EFCAB13: variants seen among roughly 807,000 people sequenced by gnomAD.
The protein encoded by EFCAB13 is EF-hand calcium binding domain 13, also known as EF-hand calcium-binding domain-containing protein 13.
A neutral mutation model predicts 110.2 loss-of-function variants in EFCAB13; 91 were observed. The ratio of observed to expected loss-of-function variants is 0.83; its 90% confidence interval spans 0.70 to 0.98. The LOEUF (loss-of-function observed/expected upper bound fraction) is 0.98, where lower values mean the gene tolerates loss of function less well. Among genes scored for constraint, EFCAB13 ranks in the 50% least tolerant of loss-of-function variants. The pLI is 0.00. For synonymous variants in EFCAB13, 323 were observed against 369.9 expected, an observed-to-expected ratio of 0.87 and a Z score of 1.45; for missense variants, 968 against 1,119.4, an observed-to-expected ratio of 0.86 and a Z score of 1.93.
chr17:47,438,352 C>G (rs928646865), intron 24 of EFCAB13, among the ~76,000 whole-genome samples: 1 of 152,242 alleles, frequency 6.6e-6, no homozygotes, highest in African/African-American at 2.4e-5. Flanking sequence ...ATATCAAGGC[C>G]AGGGAAGTTT....
In EFCAB13 at chr17:47,420,566, C is replaced by T. The variant is rs549352414; in HGVS notation, c.2494+5647C>T. Among the ~76,000 whole-genome samples, 4 of 151,794 alleles carry T rather than the reference C, an allele frequency of 2.6e-5. No homozygotes were observed. The South Asian group carries it at 8.3e-4, about 31-fold the overall frequency. ...GGAGCGTCTCTGCCCGGCCGCCCATCGTCTGAGATGTGGGGAGCGCCTCTG... is the reference window on the plus strand; with the variant it reads ...GGAGCGTCTCTGCCCGGCCGCCCATTGTCTGAGATGTGGGGAGCGCCTCTG... On this transcript the variant is annotated intron_variant, in intron 23 of 24. Coordinates refer to ENST00000331493, the MANE Select transcript of EFCAB13 (RefSeq NM_152347.5).
chr17:47,414,491 C>A (rs1281256723), intron 22 of EFCAB13, among the ~76,000 whole-genome samples: 2 of 138,940 alleles, frequency 1.4e-5, no homozygotes, highest in South Asian at 4.5e-4. Context: ...CCAGCCTGGG[C>A]AACAGAGCGA....
At position 47,440,584 on chromosome 17, in the gene EFCAB13, C is replaced by T. The variant is rs369709542; in HGVS notation, c.2792C>T (p.Ser931Leu). The change falls in exon 25 of 25, where the codon TCG becomes TTG. Residue 931 changes from serine (S) to leucine (L), a missense_variant. Transcript: ENST00000331493. ...TACATGTTAAAAACAATACAGGATT[C>T]GATAGTTAAAGCACAGGTAAGTAAG... is the stretch of plus-strand genomic sequence containing the variant. ...VVYMLKTIQDSIVKAQVSKKQ... is the reference protein window; with the variant it reads ...VVYMLKTIQDLIVKAQVSKKQ... The T allele has an allele frequency of 1.0e-4, 161 of 1,612,802 alleles. No individual in the cohort carries two copies. Among genetic ancestry groups the T allele is most frequent in the Middle Eastern group, 5.0e-4 (3 of 6,048 alleles).
At chr17:47,351,899 GT>G (rs762050927) in intron 9 of EFCAB13, among the ~76,000 whole-genome samples, 1,415 of 121,482 alleles carry the variant, frequency 0.012, 5 homozygotes, top group Middle Eastern at 0.02. Context: ...TTTTCATGTA[GT>G]TTTTTTTTTT....
At chr17:47,430,076 G>A (rs1905083010) in intron 24 of EFCAB13, 115 bp downstream of exon 24, 1 of 1,389,814 alleles carries the variant, frequency 7.2e-7, no homozygotes, top group South Asian at 1.9e-5. Context: ...GAGGTGGGAT[G>A]ACTGCTGGAC....
chr17:47,376,274 T>G (rs910313220), intron 12 of EFCAB13, among the ~76,000 whole-genome samples: 5 of 152,230 alleles, frequency 3.3e-5, no homozygotes, highest in Non-Finnish European at 7.3e-5. Flanking sequence ...ACCAATGCAC[T>G]GCTGCTACTT....
At chr17:47,386,268 C>T (rs899074065) in intron 14 of EFCAB13, among the ~76,000 whole-genome samples, 6 of 152,216 alleles carry the variant, frequency 3.9e-5, no homozygotes, top group South Asian at 2.1e-4. Flanking sequence ...CCCAGATACG[C>T]TGGTCCAGTG....
intron 4 of EFCAB13, among the ~76,000 whole-genome samples, chr17:47,334,014 T>TA (rs1165861564): frequency 6.6e-6 from 1 of 152,198 alleles, no homozygotes; most frequent in Non-Finnish European, 1.5e-5. Flanking sequence ...AATCTGTAGA[T>TA]ATCATTGGAA....
At position 47,415,902 on chromosome 17, in the gene EFCAB13, T is replaced by C. The variant is rs1598759137; in HGVS notation, c.2494+983T>C. On this transcript the variant is annotated intron_variant, in intron 23 of 24. Coordinates refer to ENST00000331493, the MANE Select transcript of EFCAB13 (RefSeq NM_152347.5). The stretch of plus-strand genomic sequence containing the variant: ...GTCCCTGAGGTTCGTCTTATTCTTT[T>C]TGAAATTAGGGAGACCATTTCAACA... Among the ~76,000 whole-genome samples, 12 of 152,162 alleles carry C rather than the reference T, an allele frequency of 7.9e-5. 3 individuals carry two copies. Among genetic ancestry groups the C allele is most frequent in the Admixed American group, 7.2e-4 (11 of 15,268 alleles).
rs2065823321 is a variant in EFCAB13, at chr17:47,409,662, C to T, written c.2249C>T (p.Ala750Val). ...FSNYIDFRKE[A>V]SNLKLPKVNE... ...AAATTTGCAGATTTCAGGAAAGAGG[C>T]TTCAAATCTAAAATTACCAAAGGTA... The change falls in exon 21 of 25, where the codon GCT becomes GTT. Residue 750 changes from alanine to valine, a missense_variant. Coordinates refer to ENST00000331493, the MANE Select transcript of EFCAB13 (RefSeq NM_152347.5). 6.2e-7 allele frequency: 1 copy of T among 1,611,086 alleles called. No homozygotes were observed. Among genetic ancestry groups the T allele is most frequent in the African/African-American group, 1.3e-5 (1 of 74,924 alleles).
chr17:47,381,095 G>A (rs1306892522), intron 14 of EFCAB13, among the ~76,000 whole-genome samples: 2 of 151,952 alleles, frequency 1.3e-5, no homozygotes, highest in Non-Finnish European at 2.9e-5. Flanking sequence ...TGTTTGCCAG[G>A]ATGGTCTTGA....
rs539087531 is a variant in EFCAB13, at chr17:47,385,095, G to A, written c.1582+5842G>A. Among the ~76,000 whole-genome samples the A allele has an allele frequency of 1.5e-4, 23 of 152,224 alleles. No individual in the cohort carries two copies. In the South Asian group the frequency reaches 3.3e-3, roughly 22 times the overall value. On this transcript the variant is annotated intron_variant, in intron 14 of 24. Coordinates refer to ENST00000331493, the MANE Select transcript of EFCAB13 (RefSeq NM_152347.5). Reference sequence around the variant, plus strand: ...CAACTTTTATTCCTCCATTTCAACCGTGGAGAGTCTGATGATTTTGTGCCT... The same window carrying A: ...CAACTTTTATTCCTCCATTTCAACCATGGAGAGTCTGATGATTTTGTGCCT...
chr17:47,417,705 A>G (rs1313926986), intron 23 of EFCAB13, among the ~76,000 whole-genome samples: 2 of 152,096 alleles, frequency 1.3e-5, no homozygotes, highest in Non-Finnish European at 2.9e-5. Flanking sequence ...CCATTTCCAC[A>G]ATCTCTTTCA....
rs762991556 is a variant in EFCAB13 at position 47,374,684 on chromosome 17, T to C, written c.1090T>C (p.Trp364Arg). ...TGAATCTAAAAGACCAAAAAATACTTGGCAAATAAGAAAATTTCTGGGTGG... is the reference window on the plus strand; with the variant it reads ...TGAATCTAAAAGACCAAAAAATACTCGGCAAATAAGAAAATTTCTGGGTGG... ...DLESKRPKNTWQIRKFLGGVG... is the reference protein window; with the variant it reads ...DLESKRPKNTRQIRKFLGGVG... The change falls in exon 12 of 25, where the codon TGG becomes CGG. Residue 364 changes from tryptophan to arginine, a missense_variant. Transcript: ENST00000331493. 16 of 1,612,528 alleles carry C rather than the reference T, an allele frequency of 9.9e-6. No homozygotes were observed. The East Asian group carries it at 3.6e-4, about 36-fold the overall frequency.
intron 7 of EFCAB13, 83 bp downstream of exon 7, chr17:47,344,375 A>C (rs778097013): frequency 3.5e-4 from 518 of 1,461,434 alleles, no homozygotes; most frequent in Non-Finnish European, 4.6e-4. Context: ...TCCCTTCCAC[A>C]TAAAGAATAT....
chr17:47,370,581 GT>G, intron 11 of EFCAB13, 73 bp downstream of exon 11: 1 of 1,041,814 alleles, frequency 9.6e-7, no homozygotes, highest in Non-Finnish European at 1.4e-6. Context: ...TAATTTATAA[GT>G]TTTATTTTAT....
chr17:47,375,285 T>C (rs1315062625), intron 12 of EFCAB13, among the ~76,000 whole-genome samples: 1 of 152,064 alleles, frequency 6.6e-6, no homozygotes, highest in Admixed American at 6.6e-5. Flanking sequence ...TGCCACTGAA[T>C]AGTATGTCTA....
At chr17:47,373,676 C>T (rs1476744903) in intron 11 of EFCAB13, among the ~76,000 whole-genome samples, 2 of 152,098 alleles carry the variant, frequency 1.3e-5, no homozygotes, top group East Asian at 1.9e-4. Context: ...ATACATAGTG[C>T]ACTTAGAGAT....
intron 5 of EFCAB13, among the ~76,000 whole-genome samples, chr17:47,337,912 C>A (rs1370256218): frequency 6.6e-6 from 1 of 152,146 alleles, no homozygotes; most frequent in Non-Finnish European, 1.5e-5. Context: ...TGGTGACAGT[C>A]TAGAGTCCAC....
Sources: gnomAD v4.1 joint callset for allele counts (sites outside exome capture counted in the v4.1 genomes callset) on GRCh38, gnomAD v4.1.1 for gene constraint, MANE v1.5 for transcripts, NCBI Gene and HGNC (gene_info 2026-07-23, HGNC 2026-07-21) for gene names.